SMTN: variants seen among roughly 807,000 people sequenced by gnomAD.
SMTN encodes the protein smoothelin.
A neutral mutation model predicts 102.0 loss-of-function variants in SMTN; 58 were observed. The ratio of observed to expected loss-of-function variants is 0.57; its 90% CI spans 0.46 to 0.71. The LOEUF (loss-of-function observed/expected upper bound fraction) is 0.71. Ranked by LOEUF, SMTN falls within the 30% of genes least tolerant of loss-of-function variation. The pLI, the probability that SMTN is intolerant of heterozygous loss-of-function variation, is 0.00. For synonymous variants in SMTN, 478 were observed against 497.9 expected, an observed-to-expected ratio of 0.96 and a Z score of 0.53; for missense variants, 1,185 against 1,241.7, an observed-to-expected ratio of 0.95 and a Z score of 0.69.
chr22:31,079,331 G>A (rs544057152), upstream of SMTN, among the ~76,000 whole-genome samples: 3 of 152,236 alleles, frequency 2.0e-5, no homozygotes, highest in Non-Finnish European at 2.9e-5. Context: ...GGCACTAAGG[G>A]CTTGAAGGGG....
At position 31,091,267 on chromosome 22, in the gene SMTN, G is replaced by T. The variant is rs768584468; in HGVS notation, c.1244G>T (p.Gly415Val). The change falls in exon 10 of 21, where the codon GGC becomes GTC. Residue 415 changes from glycine to valine, a missense_variant. Coordinates refer to ENST00000333137, the MANE Select transcript of SMTN (RefSeq NM_134269.3). Reference protein sequence around the residue: ...AQLRSCPQEEGPRGRGLAARP... With the variant: ...AQLRSCPQEEVPRGRGLAARP... ...CTTCGAAGCTGCCCCCAGGAGGAGG[G>T]CCCCAGGGGGCGGGGCTTGGCTGCT... The T allele has an allele frequency of 6.3e-7, 1 of 1,599,294 alleles. No individual in the cohort carries two copies. Among genetic ancestry groups the T allele is most frequent in the Admixed American group, 1.7e-5 (1 of 57,392 alleles).
rs568960959 is a variant in SMTN at position 31,087,897 on chromosome 22, C to T, written c.52-68C>T. ...CCACACATTGTGCCCTAGGCAGAGCCGTGGGCAGCTGGTGCCAGCCCTCCG... is the reference window on the plus strand; with the variant it reads ...CCACACATTGTGCCCTAGGCAGAGCTGTGGGCAGCTGGTGCCAGCCCTCCG... On this transcript the variant is annotated intron_variant, in intron 2 of 20. Transcript: ENST00000333137. 5.7e-5 allele frequency: 85 copies of T among 1,490,786 alleles called. No homozygotes were observed. In the Middle Eastern group the frequency reaches 8.7e-4, roughly 15 times the overall value. The allele number at this position is 1,490,786 out of a possible 1,614,324, so 92.3% of individuals were successfully genotyped here.
upstream of SMTN, among the ~76,000 whole-genome samples, chr22:31,079,798 C>G (rs2042224041): frequency 6.6e-6 from 1 of 152,224 alleles, no homozygotes; most frequent in Non-Finnish European, 1.5e-5. Flanking sequence ...GAATCTTGCT[C>G]TGTCGCTTAG....
At chr22:31,064,536 C>T (rs778313425) in intron 1 of SMTN, 1 of 152,284 alleles carries the variant, frequency 6.6e-6, no homozygotes, top group East Asian at 1.9e-4. Flanking sequence ...CGCTCTCCCT[C>T]CCAGACTGGA....
chr22:31,088,582 C>T lies in SMTN; in HGVS notation c.270C>T (p.Asn90=), dbSNP rs767594100. The T allele has an allele frequency of 2.0e-5, 33 of 1,613,680 alleles. No homozygotes were observed. The South Asian group carries it at 2.2e-4, about 11-fold the overall frequency. ...ARLAGQLESM[N]DVEELTALLR... ...TGGCAGGGCAGCTGGAGTCCATGAA[C>T]GATGTGGAGGAATTGACTGCACTGG... The change falls in exon 4 of 21, where the codon AAC becomes AAT. Residue 90 remains asparagine (N), a synonymous_variant. Transcript: ENST00000333137.
intron 20 of SMTN, 99 bp from the exon 21 acceptor site, chr22:31,104,217 C>T: frequency 2.2e-6 from 3 of 1,377,340 alleles, no homozygotes; most frequent in South Asian, 2.6e-5. Context: ...TTATGAAAGA[C>T]CAGCAGGCAA....
chr22:31,083,943 C>A (rs3936085), intron 2 of SMTN, among the ~76,000 whole-genome samples: 1 of 152,198 alleles, frequency 6.6e-6, no homozygotes, highest in Non-Finnish European at 1.5e-5. Flanking sequence ...GATTCTGTGG[C>A]TTCTCATCTC....
chr22:31,103,861 C>T (rs1010984284), intron 20 of SMTN: 3 of 161,862 alleles, frequency 1.9e-5, no homozygotes, highest in African/African-American at 7.2e-5. Flanking sequence ...ATCGGTGGAC[C>T]ACAGGGCCAC....
chr22:31,066,567 A>T (rs1201555642), intron 1 of SMTN: 1 of 152,238 alleles, frequency 6.6e-6, no homozygotes, highest in Non-Finnish European at 1.5e-5. Context: ...TTGGCCTCCC[A>T]AAGTGCTGGG....
intron 1 of SMTN, chr22:31,082,440 C>A: frequency 2.2e-6 from 1 of 456,608 alleles, no homozygotes; most frequent in Non-Finnish European, 4.6e-6. Context: ...ATTTTGATTA[C>A]ATCCTTCTCT....
chr22:31,089,672 T>G, intron 6 of SMTN, 27 bp from the exon 7 acceptor site: 1 of 1,576,606 alleles, frequency 6.3e-7, no homozygotes. Context: ...TAGGGAGCCT[T>G]GGTTGCATCC....
In SMTN at chr22:31,084,983, C is replaced by G. The variant is rs933108758; in HGVS notation, c.51+1674C>G. On this transcript the variant is annotated intron_variant, in intron 2 of 20. Transcript: ENST00000333137. ...AAGGAAAAGCTAGGCCCGCTCCGCC[C>G]GCCCTGCGCCCCAGCGTCTGGCCGA... is the stretch of plus-strand genomic sequence containing the variant. The G allele has an allele frequency of 2.1e-6, 3 of 1,462,978 alleles. No individual in the cohort carries two copies. In the African/African-American group the frequency reaches 4.3e-5, roughly 21 times the overall value. The allele number at this position is 1,462,978 out of a possible 1,614,324, so 90.6% of individuals were successfully genotyped here. A position where few individuals can be genotyped will look rare whatever the true frequency, so the allele number is the denominator to read the frequency against.
intron 1 of SMTN, among the ~76,000 whole-genome samples, chr22:31,070,902 T>C (rs11705396): frequency 0.25 from 33,639 of 135,136 alleles, 5,115 homozygotes; most frequent in African/African-American, 0.46. Flanking sequence ...CCAGCCTGGG[T>C]GACAGAGTGA....
intron 2 of SMTN, chr22:31,083,543 C>G (rs2042452531): frequency 2.0e-6 from 1 of 493,252 alleles, no homozygotes. Context: ...ACAGCCACCA[C>G]CTGTTTAAAC....
intron 20 of SMTN, chr22:31,101,305 GC>G: frequency 2.3e-6 from 1 of 441,446 alleles, no homozygotes; most frequent in South Asian, 4.1e-5. Context: ...GCAGGTCTGG[GC>G]CCCCCATCTG....
chr22:31,089,508 G>A, intron 6 of SMTN, 191 bp from the exon 7 acceptor site: 1 of 609,472 alleles, frequency 1.6e-6, no homozygotes, highest in Non-Finnish European at 2.9e-6. Flanking sequence ...CCAAGAGATT[G>A]GGAAGTGGGG....
upstream of SMTN, chr22:31,080,815 G>C (rs1393109251): frequency 6.6e-6 from 1 of 152,400 alleles, no homozygotes; most frequent in Non-Finnish European, 1.5e-5. Context: ...GATGGTCCCG[G>C]CACTCCAACA....
Position 31,098,838 on chromosome 22 carries a change from C to T in SMTN, c.2331C>T (p.Ala777=). ...MIEKLEKEGA[A]GSPGGPRAAV... ...AGAAGCTGGAGAAGGAGGGCGCGGC[C>T]GGGTGAGCTGCAGAAGTGGGCTGGG... The change falls in exon 17 of 21, where the codon GCC becomes GCT. Residue 777 remains alanine (A), a splice_region_variant and synonymous_variant. Transcript: ENST00000333137. 5.6e-6 allele frequency: 9 copies of T among 1,598,286 alleles called. No homozygotes were observed. Among genetic ancestry groups the T allele is most frequent in the Non-Finnish European group, 7.7e-6 (9 of 1,175,966 alleles).
At chr22:31,099,544 A>C in intron 18 of SMTN, 2 of 613,834 alleles carry the variant, frequency 3.3e-6, no homozygotes, top group Non-Finnish European at 5.7e-6. Flanking sequence ...GCCTCTCAGT[A>C]GCTCTGTCCC....
Sources: allele counts gnomAD v4.1 joint callset (sites outside exome capture counted in the v4.1 genomes callset), GRCh38; gene constraint gnomAD v4.1.1; transcripts MANE v1.5; gene names NCBI Gene and HGNC (gene_info 2026-07-23, HGNC 2026-07-21).